The following TRMT11 variants were observed in gnomAD, a reference collection of about 807,000 sequenced individuals.
TRMT11 encodes tRNA methyltransferase 11, also known as tRNA (guanine(10)-N(2))-methyltransferase TRMT11.
A neutral mutation model predicts 62.8 loss-of-function variants in TRMT11; 53 were observed. The ratio of observed to expected loss-of-function variants is 0.84; its 90% CI spans 0.68 to 1.06. TRMT11 has a LOEUF of 1.06. TRMT11 is among the 50% of genes least tolerant of loss of function. TRMT11 has a pLI of 0.00. For missense variants in TRMT11, 556 were observed against 553.4 expected (o/e 1.00, Z -0.05); for synonymous variants, 188 against 190.3 (o/e 0.99, Z 0.10).
At chr6:126,009,703 AT>A (rs1793899011) in intron 8 of TRMT11, among the ~76,000 whole-genome samples, 1 of 152,072 alleles carries the variant, frequency 6.6e-6, no homozygotes, top group South Asian at 2.1e-4. Context: ...TATTAGGTGT[AT>A]ATAAATGGGC....
intron 7 of TRMT11, among the ~76,000 whole-genome samples, chr6:126,004,180 C>T (rs889865216): frequency 6.6e-6 from 1 of 151,692 alleles, no homozygotes; most frequent in African/African-American, 2.4e-5. Context: ...AATATGGTTG[C>T]CAGTATGGGT....
the TRMT11 span, among the ~76,000 whole-genome samples, chr6:126,252,775 A>G: frequency 6.6e-6 from 1 of 151,992 alleles, no homozygotes; most frequent in South Asian, 2.1e-4. Flanking sequence ...TGTCAAGATG[A>G]CTCTCTTTAG....
intron 3 of TRMT11, among the ~76,000 whole-genome samples, chr6:125,996,580 TTTTTC>T (rs1791555794): frequency 6.6e-6 from 1 of 152,178 alleles, no homozygotes; most frequent in South Asian, 2.1e-4. Context: ...ATCCACTTTT[TTTTTC>T]TTTTCTTTCA....
intron 12 of TRMT11, among the ~76,000 whole-genome samples, chr6:126,032,084 G>A (rs757324236): frequency 2.0e-5 from 3 of 152,092 alleles, no homozygotes; most frequent in Non-Finnish European, 4.4e-5. Flanking sequence ...ACAACTGAGC[G>A]GATGATTGTT....
intron 6 of TRMT11, 60 bp from the exon 7 acceptor site, chr6:125,999,397 G>A: frequency 7.4e-7 from 1 of 1,342,794 alleles, no homozygotes; most frequent in Non-Finnish European, 1.0e-6. Context: ...CTTATTGTGA[G>A]TGATTATCTT....
intron 21 of TRMT11, among the ~76,000 whole-genome samples, chr6:126,132,174 A>T (rs1232915472): frequency 6.6e-6 from 1 of 152,086 alleles, no homozygotes; most frequent in Non-Finnish European, 1.5e-5. Flanking sequence ...AACATGTTAG[A>T]ATTAAACCTC....
chr6:126,224,652 G>T, the TRMT11 span, among the ~76,000 whole-genome samples: 1 of 151,668 alleles, frequency 6.6e-6, no homozygotes, highest in South Asian at 2.1e-4. Flanking sequence ...ACCGCAGCAG[G>T]GTCCACACAC....
At chr6:126,067,913 T>TTTTTA (rs1776737209) in intron 17 of TRMT11, among the ~76,000 whole-genome samples, 1 of 152,194 alleles carries the variant, frequency 6.6e-6, no homozygotes, top group Non-Finnish European at 1.5e-5. Flanking sequence ...TTTTTAAAAA[T>TTTTTA]AATAGCTTTA....
chr6:126,244,696 C>G, the TRMT11 span, among the ~76,000 whole-genome samples: 1 of 152,336 alleles, frequency 6.6e-6, no homozygotes, highest in South Asian at 2.1e-4. Flanking sequence ...AGTTTCGACA[C>G]TCTGTCTGAC....
At chr6:126,018,640 C>A (rs1045439249) in intron 11 of TRMT11, among the ~76,000 whole-genome samples, 8 of 151,426 alleles carry the variant, frequency 5.3e-5, no homozygotes, top group Admixed American at 3.9e-4. Context: ...GTTACCACCC[C>A]CCTATCTCTG....
chr6:126,127,356 A>T (rs1331124805), intron 21 of TRMT11, among the ~76,000 whole-genome samples: 1 of 152,118 alleles, frequency 6.6e-6, no homozygotes, highest in Non-Finnish European at 1.5e-5. Flanking sequence ...TCAAATTGTC[A>T]CATGGAAGAA....
intron 21 of TRMT11, among the ~76,000 whole-genome samples, chr6:126,162,691 T>C (rs1308671960): frequency 6.6e-6 from 1 of 152,222 alleles, no homozygotes; most frequent in Non-Finnish European, 1.5e-5. Flanking sequence ...TTCCTATCCA[T>C]GAGCATGGAA....
At chr6:126,018,641 C>G (rs375417256) in intron 11 of TRMT11, among the ~76,000 whole-genome samples, 6 of 151,668 alleles carry the variant, frequency 4.0e-5, no homozygotes, top group African/African-American at 1.2e-4. Flanking sequence ...TTACCACCCC[C>G]CTATCTCTGT....
At chr6:126,209,748 AAACAAC>A in the TRMT11 span, among the ~76,000 whole-genome samples, 2 of 151,998 alleles carry the variant, frequency 1.3e-5, no homozygotes, top group Non-Finnish European at 2.9e-5. Context: ...AACAAAAACA[AAACAAC>A]AACAACAACA....
intron 17 of TRMT11, among the ~76,000 whole-genome samples, chr6:126,054,663 G>C (rs1452417167): frequency 6.6e-6 from 1 of 152,218 alleles, no homozygotes; most frequent in Non-Finnish European, 1.5e-5. Flanking sequence ...TCAGGGAGCT[G>C]CTTCTCCGCT....
At chr6:126,165,892 C>T (rs1055008948) in intron 21 of TRMT11, among the ~76,000 whole-genome samples, 1 of 152,194 alleles carries the variant, frequency 6.6e-6, no homozygotes, top group Non-Finnish European at 1.5e-5. Context: ...AAGTTGGTTC[C>T]TTTCTCCCTG....
Position 126,026,322 on chromosome 6 carries a change from T to C in TRMT11, c.1260+5042T>C, listed in dbSNP as rs114066236. 4.5e-3 allele frequency among the ~76,000 whole-genome samples: 685 copies of C among 152,272 alleles called. 6 individuals are homozygous for C. The highest frequency in any genetic ancestry group is 0.015 in the African/African-American group (634 of 41,562). On this transcript the variant is annotated intron_variant, in intron 12 of 12. Transcript: ENST00000334379. ...TTTTTTCTACATCTTGCTGCCTCTCTACCGAAGCATATTTCTACCTTTAGA... is the reference window on the plus strand; with the variant it reads ...TTTTTTCTACATCTTGCTGCCTCTCCACCGAAGCATATTTCTACCTTTAGA...
chr6:126,242,041 T>A, the TRMT11 span, among the ~76,000 whole-genome samples: 1 of 152,170 alleles, frequency 6.6e-6, no homozygotes, highest in Non-Finnish European at 1.5e-5. Flanking sequence ...AACCCCATCG[T>A]CTCAGCCCAA....
chr6:126,154,567 C>G (rs571061605), intron 21 of TRMT11, among the ~76,000 whole-genome samples: 1 of 152,160 alleles, frequency 6.6e-6, no homozygotes, highest in Non-Finnish European at 1.5e-5. Context: ...TTCTTCTAGC[C>G]CAGTAGCAAT....
Sources: allele counts gnomAD v4.1 joint callset (sites outside exome capture counted in the v4.1 genomes callset), GRCh38; gene constraint gnomAD v4.1.1; transcripts MANE v1.5; gene names NCBI Gene and HGNC (gene_info 2026-07-23, HGNC 2026-07-21).